FAM178B: variants seen among roughly 807,000 people sequenced by gnomAD.
The protein encoded by FAM178B is protein FAM178B.
A neutral mutation model predicts 91.7 loss-of-function variants in FAM178B; 82 were observed. That is an observed-to-expected ratio of 0.89 (90% confidence interval 0.75 to 1.07). The LOEUF (loss-of-function observed/expected upper bound fraction) is 1.07, where lower values mean the gene tolerates loss of function less well. FAM178B is among the 50% of genes least tolerant of loss of function. FAM178B has a pLI of 0.00. For synonymous variants in FAM178B, 368 were observed against 359.4 expected, an observed-to-expected ratio of 1.02 and a Z score of -0.27; for missense variants, 769 against 846.7, an observed-to-expected ratio of 0.91 and a Z score of 1.14.
chr2:96,885,601 TTC>T (rs2080498663), intron 14 of FAM178B, among the ~76,000 whole-genome samples: 1 of 152,178 alleles, frequency 6.6e-6, no homozygotes, highest in Non-Finnish European at 1.5e-5. Context: ...CGTCTCCCCA[TTC>T]CTCCATCCGC....
intron 14 of FAM178B, among the ~76,000 whole-genome samples, chr2:96,886,875 G>A (rs529509267): frequency 5.9e-5 from 9 of 152,272 alleles, no homozygotes; most frequent in Admixed American, 3.9e-4. Context: ...GACCATAGGC[G>A]TATGCCACCG....
At chr2:96,887,180 A>C (rs2080546092) in intron 14 of FAM178B, among the ~76,000 whole-genome samples, 1 of 152,072 alleles carries the variant, frequency 6.6e-6, no homozygotes, top group Admixed American at 6.6e-5. Flanking sequence ...ATGCCACTGC[A>C]CTCCAGCCTG....
chr2:96,982,958 C>A (rs1265207441), intron 1 of FAM178B, among the ~76,000 whole-genome samples: 2 of 149,320 alleles, frequency 1.3e-5, no homozygotes, highest in Non-Finnish European at 3.0e-5. Context: ...AGCTTCCTGC[C>A]ACCTTCAGCT....
At chr2:96,902,977 A>T (rs2080962577) in intron 12 of FAM178B, among the ~76,000 whole-genome samples, 1 of 152,244 alleles carries the variant, frequency 6.6e-6, no homozygotes, top group Non-Finnish European at 1.5e-5. Flanking sequence ...TTAGTTTTTT[A>T]TCCCCTCTGC....
At chr2:96,942,770 C>T (rs1323158038) in intron 8 of FAM178B, among the ~76,000 whole-genome samples, 2 of 152,138 alleles carry the variant, frequency 1.3e-5, no homozygotes, top group African/African-American at 4.8e-5. Context: ...ATAGTAATAA[C>T]AAATTTAGAG....
At chr2:96,880,713 G>A (rs991577199) in intron 14 of FAM178B, among the ~76,000 whole-genome samples, 1 of 152,120 alleles carries the variant, frequency 6.6e-6, no homozygotes, top group African/African-American at 2.4e-5. Flanking sequence ...TCCTGCCTCA[G>A]CCTCTGGAAT....
chr2:96,973,277 G>A (rs1251951097), intron 1 of FAM178B, among the ~76,000 whole-genome samples: 2 of 150,614 alleles, frequency 1.3e-5, no homozygotes, highest in Non-Finnish European at 2.9e-5. Context: ...CTGAGATGAC[G>A]CCCCACCCAT....
At chr2:96,919,631 G>A (rs1030349571) in intron 12 of FAM178B, among the ~76,000 whole-genome samples, 2 of 152,130 alleles carry the variant, frequency 1.3e-5, no homozygotes, top group African/African-American at 4.8e-5. Flanking sequence ...GTGGATGGGC[G>A]GTCTGGGGAG....
intron 14 of FAM178B, among the ~76,000 whole-genome samples, chr2:96,887,537 A>G (rs748529021): frequency 1.3e-5 from 2 of 152,172 alleles, no homozygotes; most frequent in Non-Finnish European, 2.9e-5. Context: ...GCTCCGCAGG[A>G]AGGAGGGACA....
At chr2:96,970,603 C>A in intron 4 of FAM178B, 113 bp downstream of exon 4, 1 of 788,320 alleles carries the variant, frequency 1.3e-6, no homozygotes, top group South Asian at 1.6e-5. Context: ...ACAGGGCAGG[C>A]TGAGTCTGGG....
chr2:96,893,960 T>C lies in FAM178B; in HGVS notation c.1742A>G (p.Gln581Arg), dbSNP rs1342957015. 4.3e-6 allele frequency: 7 copies of C among 1,613,048 alleles called. No individual in the cohort carries two copies. The South Asian group carries it at 6.6e-5, about 15-fold the overall frequency. The change falls in exon 14 of 17, where the codon CAA (glutamine) becomes CGA (arginine). Residue 581 changes from glutamine to arginine, a missense_variant. By Grantham distance (43) the Gln-to-Arg change is conservative (BLOSUM62 1). Coordinates refer to ENST00000490605, the MANE Select transcript of FAM178B (RefSeq NM_001122646.3). ...DSVPLPPCQE[Q>R]QPKASAELDH... ...TAGCTCGGCACTAGCCTTTGGCTGT[T>C]GCTCCTGGCAGGGTGGCAAGGGCAC...
At chr2:96,923,680 T>C (rs2081385390) in intron 9 of FAM178B, 97 bp from the exon 10 acceptor site, 2 of 860,560 alleles carry the variant, frequency 2.3e-6, no homozygotes, top group Admixed American at 2.0e-5. Flanking sequence ...CTGAGGCTGC[T>C]CATCCGCTGG....
Position 96,876,127 on chromosome 2 carries a change from T to C in FAM178B, c.*149A>G. On this transcript the variant is annotated 3_prime_UTR_variant, in exon 17 of 17. Transcript: ENST00000490605. ...CAGGCTCTTGCAGAGAGGAGAGGGG[T>C]CGGGGCGGTGGCAGGGGCAGGCTCT... The C allele has an allele frequency of 4.2e-6, 3 of 720,864 alleles. 1 individual carries two copies. In the South Asian group the frequency reaches 5.6e-5, roughly 13 times the overall value. 44.7% of individuals were successfully genotyped at this position (720,864 alleles called of 1,614,324 possible).
chr2:96,897,973 C>T, intron 13 of FAM178B: 1 of 985,516 alleles, frequency 1.0e-6, no homozygotes, highest in East Asian at 1.1e-4. Context: ...ACGTGTGCTT[C>T]TGCTCCTGCT....
intron 1 of FAM178B, among the ~76,000 whole-genome samples, chr2:96,973,800 G>T (rs2082254841): frequency 6.6e-6 from 1 of 151,578 alleles, no homozygotes; most frequent in Non-Finnish European, 1.5e-5. Context: ...CAGAGTTCGA[G>T]ACCAGCCTGG....
At chr2:96,909,595 G>T (rs541197536) in intron 12 of FAM178B, among the ~76,000 whole-genome samples, 1 of 152,186 alleles carries the variant, frequency 6.6e-6, no homozygotes, top group Non-Finnish European at 1.5e-5. Context: ...GACACTCGGA[G>T]TTGAGGCTGA....
intron 1 of FAM178B, among the ~76,000 whole-genome samples, chr2:96,978,100 T>C (rs568810633): frequency 1.3e-5 from 2 of 152,312 alleles, no homozygotes; most frequent in South Asian, 4.1e-4. Flanking sequence ...TCAGTTCTCT[T>C]CTTTCCTCAC....
intron 13 of FAM178B, chr2:96,898,098 C>T: frequency 1.0e-6 from 1 of 985,804 alleles, no homozygotes; most frequent in South Asian, 4.7e-5. Context: ...GCCCCAGGTC[C>T]TCTGCTCCTA....
intron 8 of FAM178B, among the ~76,000 whole-genome samples, chr2:96,931,041 T>C (rs1318439789): frequency 6.6e-6 from 1 of 152,196 alleles, no homozygotes; most frequent in African/African-American, 2.4e-5. Context: ...CTAAGGTACT[T>C]TGTCATAGCA....
Sources: gnomAD v4.1 joint callset for allele counts (sites outside exome capture counted in the v4.1 genomes callset) on GRCh38, gnomAD v4.1.1 for gene constraint, MANE v1.5 for transcripts, NCBI Gene and HGNC (gene_info 2026-07-23, HGNC 2026-07-21) for gene names.